MSH6: variants seen among roughly 807,000 people sequenced by gnomAD.
MSH6 encodes the protein DNA mismatch repair protein Msh6.
In MSH6, 85 loss-of-function variants were observed where a neutral mutation model predicts 119.1. The observed-to-expected ratio is 0.71, with a 90% CI of 0.60 to 0.85. The LOEUF (loss-of-function observed/expected upper bound fraction) is 0.85. MSH6 is among the 40% of genes least tolerant of loss of function. The pLI is 0.00. For synonymous variants in MSH6, 830 were observed against 586.9 expected (o/e 1.41, Z -5.99); for missense variants, 2,163 against 1,655.3 (o/e 1.31, Z -5.32).
At position 47,800,145 on chromosome 2, in the gene MSH6, G is replaced by T. The variant is rs876660319; in HGVS notation, c.2162G>T (p.Arg721Ile). The T allele has an allele frequency of 1.9e-6, 3 of 1,614,134 alleles. No homozygotes were observed. Among genetic ancestry groups the T allele is most frequent in the South Asian group, 1.1e-5 (1 of 91,072 alleles). The change falls in exon 4 of 10, where the codon AGA (arginine) becomes ATA (isoleucine). Residue 721 changes from arginine (R) to isoleucine (I), a missense_variant. Physicochemically the swap from Arg to Ile is moderately conservative, Grantham distance 97. Coordinates refer to ENST00000234420, the MANE Select transcript of MSH6 (RefSeq NM_000179.3). ...PLDSDTVSTT[R>I]SGAIFTKAYQ... ...GATTCTGACACAGTCAGCACTACAAGATCTGGTGCTATCTTCACCAAAGCC... is the reference window on the plus strand; with the variant it reads ...GATTCTGACACAGTCAGCACTACAATATCTGGTGCTATCTTCACCAAAGCC...
At chr2:47,805,080 A>G in intron 6 of MSH6, 53 bp downstream of exon 6, 5 of 1,225,838 alleles carry the variant, frequency 4.1e-6, no homozygotes, top group South Asian at 1.2e-5. Context: ...AGATGTGATA[A>G]AAGATATTTG....
In MSH6 at chr2:47,806,214, T is replaced by A. The variant is rs745491567; in HGVS notation, c.3657T>A (p.Thr1219=). 6.2e-7 allele frequency: 1 copy of A among 1,614,090 alleles called. No individual in the cohort carries two copies. The highest frequency in any genetic ancestry group is 8.5e-7 in the Non-Finnish European group (1 of 1,179,946). ...ATTTTACTTTAACAGGAAGAGGTAC[T>A]GCAACATTTGATGGGACGGCAATAG... is the stretch of plus-strand genomic sequence containing the variant. ...LVLVDELGRG[T]ATFDGTAIAN... is the part of the protein sequence containing the mutation. The change falls in exon 8 of 10, where the codon ACT becomes ACA. Residue 1219 remains threonine (T), a synonymous_variant. Transcript: ENST00000234420.
intron 1 of MSH6, 111 bp downstream of exon 1, chr2:47,783,604 G>T (rs955916146): frequency 1.1e-5 from 12 of 1,140,502 alleles, no homozygotes; most frequent in African/African-American, 8.2e-5. Flanking sequence ...CTGGCCCTGG[G>T]CTCGGAGGAG....
chr2:47,806,162 ATTCC>A (rs973035710), intron 7 of MSH6, 38 bp from the exon 8 acceptor site: 13 of 1,533,256 alleles, frequency 8.5e-6, no homozygotes, highest in Non-Finnish European at 1.1e-5. Flanking sequence ...TTTTGTTTTA[ATTCC>A]TTTGAGTTAC....
intron 2 of MSH6, among the ~76,000 whole-genome samples, chr2:47,793,606 CAAAAATAA>C (rs1260731362): frequency 1.3e-5 from 2 of 149,398 alleles, no homozygotes; most frequent in African/African-American, 4.9e-5. Flanking sequence ...GACTTCATCT[CAAAAATAA>C]ATAAATAAAT....
downstream of MSH6, chr2:47,809,764 C>A: frequency 9.0e-7 from 1 of 1,115,692 alleles, no homozygotes; most frequent in South Asian, 1.3e-5. Context: ...TCTTAAAAAC[C>A]TGAAATTAGC....
intron 1 of MSH6, chr2:47,784,163 A>G (rs1193079546): frequency 5.0e-6 from 5 of 997,466 alleles, no homozygotes; most frequent in African/African-American, 1.8e-5. Context: ...GTGTGTCACC[A>G]TGGGGACCGC....
rs1669343421 is a variant in MSH6 at position 47,799,527 on chromosome 2, G to C, written c.1544G>C (p.Arg515Thr). 1 of 1,614,152 alleles carries C rather than the reference G, an allele frequency of 6.2e-7. No individual in the cohort carries two copies. The highest frequency in any genetic ancestry group is 8.5e-7 in the Non-Finnish European group (1 of 1,180,016). The change falls in exon 4 of 10, where the codon AGG becomes ACG. Residue 515 changes from arginine to threonine, a missense_variant. Arg to Thr is a moderately conservative substitution (Grantham distance 71, BLOSUM62 -1). Coordinates refer to ENST00000234420, the MANE Select transcript of MSH6 (RefSeq NM_000179.3). ...YDRVVRREIC[R>T]IITKGTQTYS... ...AGAGTGGTGAGGAGGGAGATCTGTA[G>C]GATCATTACCAAGGGTACACAGACT...
chr2:47,787,741 T>G (rs886537210), intron 1 of MSH6, among the ~76,000 whole-genome samples: 1 of 152,172 alleles, frequency 6.6e-6, no homozygotes, highest in Admixed American at 6.6e-5. Context: ...CTCAGCTTTC[T>G]GAGTAGCTGG....
chr2:47,805,385 T>C (rs1047327122), intron 6 of MSH6, among the ~76,000 whole-genome samples: 3 of 152,116 alleles, frequency 2.0e-5, no homozygotes, highest in Admixed American at 6.5e-5. Flanking sequence ...TTCACCATGT[T>C]AGGCTGGTCT....
At chr2:47,791,178 G>C (rs1484631952) in intron 2 of MSH6, 55 bp downstream of exon 2, 15 of 1,515,340 alleles carry the variant, frequency 9.9e-6, no homozygotes, top group Admixed American at 5.1e-5. Context: ...GTGTGTGTGA[G>C]AGAAACAGAC....
intron 1 of MSH6, among the ~76,000 whole-genome samples, chr2:47,788,520 T>G (rs973599438): frequency 7.3e-5 from 11 of 150,676 alleles, no homozygotes; most frequent in Non-Finnish European, 1.5e-4. Flanking sequence ...TTCAAAGTGC[T>G]GGGATTACAG....
At chr2:47,808,951 C>T, downstream of MSH6, 1 of 418,994 alleles carries the variant, frequency 2.4e-6, no homozygotes, top group Non-Finnish European at 4.2e-6. Flanking sequence ...CCCACTTCAG[C>T]CTCCCAAAGT....
intron 1 of MSH6, among the ~76,000 whole-genome samples, chr2:47,785,340 G>C (rs977867387): frequency 4.6e-5 from 7 of 152,084 alleles, no homozygotes; most frequent in African/African-American, 1.7e-4. Context: ...TGATTCTCCT[G>C]CCTCAGCTTC....
At chr2:47,794,472 T>C (rs1268952161) in intron 2 of MSH6, among the ~76,000 whole-genome samples, 1 of 151,836 alleles carries the variant, frequency 6.6e-6, no homozygotes. Flanking sequence ...GATGTCACCA[T>C]GTTGGCCAGG....
chr2:47,783,646 A>C (rs1293899065), intron 1 of MSH6, 153 bp downstream of exon 1: 1 of 735,850 alleles, frequency 1.4e-6, no homozygotes, highest in Non-Finnish European at 2.0e-6. Flanking sequence ...GAATGAGTGC[A>C]GGGGTCGAGT....
At chr2:47,801,179 C>T (rs1301076004) in intron 4 of MSH6, 24 bp downstream of exon 4, 2 of 1,605,224 alleles carry the variant, frequency 1.2e-6, no homozygotes, top group East Asian at 2.2e-5. Context: ...CAAGCTTGTT[C>T]TCAGGCTTTG....
intron 1 of MSH6, among the ~76,000 whole-genome samples, chr2:47,788,246 C>CTTTTTTTTTTTTTTTTTTT (rs560110301): frequency 1.1e-4 from 10 of 90,056 alleles, no homozygotes; most frequent in African/African-American, 1.4e-4. Flanking sequence ...TTCTTTCTTT[C>CTTTTTTTTTTTTTTTTTTT]TTTTTTTTTT....
intron 2 of MSH6, among the ~76,000 whole-genome samples, chr2:47,794,949 C>T (rs559178356): frequency 5.7e-4 from 87 of 152,228 alleles, no homozygotes; most frequent in African/African-American, 1.9e-3. Context: ...CATGTGCCAC[C>T]ACACCCAGCT....
Sources: gnomAD v4.1 joint callset for allele counts (sites outside exome capture counted in the v4.1 genomes callset) on GRCh38, gnomAD v4.1.1 for gene constraint, MANE v1.5 for transcripts, NCBI Gene and HGNC (gene_info 2026-07-23, HGNC 2026-07-21) for gene names.